The following NCKAP5 variants were observed in gnomAD, a reference collection of about 807,000 sequenced individuals.
NCKAP5 encodes the protein NCK associated protein 5.
In NCKAP5, 92 loss-of-function variants were observed where a neutral mutation model predicts 167.0. The ratio of observed to expected loss-of-function variants is 0.55; its 90% CI spans 0.47 to 0.66. The LOEUF is 0.66. Among genes scored for constraint, NCKAP5 ranks in the 30% least tolerant of loss-of-function variants. The probability of loss-of-function intolerance (pLI) is 0.00; values close to 1 mark genes in which losing one functional copy is unlikely to be tolerated. For synonymous variants in NCKAP5, 891 were observed against 877.4 expected (o/e 1.02, Z -0.27); for missense variants, 2,378 against 2,315.0 (o/e 1.03, Z -0.56).
chr2:133,315,107 G>T (rs973566569), intron 3 of NCKAP5, among the ~76,000 whole-genome samples: 1 of 152,138 alleles, frequency 6.6e-6, no homozygotes. Context: ...ATTGCAGTGG[G>T]ATTTGATTTG....
intron 17 of NCKAP5, 111 bp from the exon 18 acceptor site, chr2:132,729,063 A>T: frequency 7.0e-7 from 1 of 1,431,054 alleles, no homozygotes; most frequent in Middle Eastern, 1.9e-4. Flanking sequence ...GTCCAAATAC[A>T]GTGAAAGCTG....
chr2:133,487,487 T>C (rs375938722), intron 3 of NCKAP5, among the ~76,000 whole-genome samples: 50 of 152,268 alleles, frequency 3.3e-4, no homozygotes, highest in Middle Eastern at 3.4e-3. Context: ...GCCACTACCA[T>C]AGAATGGTCA....
intron 9 of NCKAP5, among the ~76,000 whole-genome samples, chr2:132,875,958 G>A (rs1358846843): frequency 6.6e-6 from 1 of 152,146 alleles, no homozygotes; most frequent in Non-Finnish European, 1.5e-5. Context: ...CTAGGAATGT[G>A]AGTCTGTTAC....
chr2:133,536,276 C>G (rs1376126775), intron 2 of NCKAP5, among the ~76,000 whole-genome samples: 1 of 152,036 alleles, frequency 6.6e-6, no homozygotes, highest in Non-Finnish European at 1.5e-5. Flanking sequence ...TCAGGTCTTA[C>G]ACTTAAATCT....
chr2:133,189,476 A>G, intron 5 of NCKAP5, among the ~76,000 whole-genome samples: 1 of 152,178 alleles, frequency 6.6e-6, no homozygotes, highest in Middle Eastern at 3.2e-3. Context: ...GCAGAGACAC[A>G]ACAAAAAAAG....
intron 6 of NCKAP5, among the ~76,000 whole-genome samples, chr2:133,039,828 C>G (rs2079154789): frequency 6.6e-6 from 1 of 152,082 alleles, no homozygotes; most frequent in African/African-American, 2.4e-5. Flanking sequence ...AAACACTACC[C>G]TAAGAGAGAT....
At chr2:133,420,043 G>C (rs1559470689) in intron 3 of NCKAP5, among the ~76,000 whole-genome samples, 1 of 152,164 alleles carries the variant, frequency 6.6e-6, no homozygotes, top group African/African-American at 2.4e-5. Context: ...GAGTAAAAGG[G>C]GGCCTCCCCT....
intron 15 of NCKAP5, among the ~76,000 whole-genome samples, chr2:132,778,429 A>G (rs1682735242): frequency 6.6e-6 from 1 of 152,162 alleles, no homozygotes; most frequent in Non-Finnish European, 1.5e-5. Context: ...TTTGCTACAC[A>G]TGTGGATTTG....
chr2:133,651,483 A>ATT, the NCKAP5 span, among the ~76,000 whole-genome samples: 1 of 152,230 alleles, frequency 6.6e-6, no homozygotes, highest in Admixed American at 6.5e-5. Flanking sequence ...CAGGATGGCT[A>ATT]TTATTTTAAA....
upstream of NCKAP5, among the ~76,000 whole-genome samples, chr2:133,570,016 T>C (rs1029726125): frequency 3.9e-5 from 6 of 151,988 alleles, no homozygotes; most frequent in Admixed American, 3.9e-4. Context: ...GCATTATTTG[T>C]AAGCCAATAA....
intron 6 of NCKAP5, among the ~76,000 whole-genome samples, chr2:133,024,903 C>A (rs1020465145): frequency 6.6e-6 from 1 of 152,152 alleles, no homozygotes; most frequent in East Asian, 1.9e-4. Context: ...GCAAAGAGAC[C>A]CACCACACAT....
chr2:133,202,933 C>T (rs1333686479), intron 5 of NCKAP5, among the ~76,000 whole-genome samples: 1 of 152,122 alleles, frequency 6.6e-6, no homozygotes, highest in East Asian at 1.9e-4. Context: ...CACTTTTACA[C>T]TGTTGGTGGG....
chr2:133,405,519 G>T (rs750852607), intron 3 of NCKAP5, among the ~76,000 whole-genome samples: 1 of 152,182 alleles, frequency 6.6e-6, no homozygotes, highest in Non-Finnish European at 1.5e-5. Context: ...AGAAGGCGGG[G>T]CATTGTCTTG....
the NCKAP5 span, among the ~76,000 whole-genome samples, chr2:133,640,823 G>T: frequency 6.6e-6 from 1 of 152,126 alleles, no homozygotes. Context: ...TGAAACCAAA[G>T]CACAGCTTCC....
the NCKAP5 span, among the ~76,000 whole-genome samples, chr2:133,656,656 T>G: frequency 6.6e-6 from 1 of 152,222 alleles, no homozygotes; most frequent in African/African-American, 2.4e-5. Flanking sequence ...CTTGTCTTGA[T>G]GGAGTAAAGG....
chr2:133,421,750 C>G (rs1168479217), intron 3 of NCKAP5, among the ~76,000 whole-genome samples: 1 of 152,210 alleles, frequency 6.6e-6, no homozygotes, highest in Non-Finnish European at 1.5e-5. Flanking sequence ...AGCCTCAGCT[C>G]TCTGATCTGA....
the NCKAP5 span, among the ~76,000 whole-genome samples, chr2:133,590,118 G>T: frequency 6.6e-6 from 1 of 152,132 alleles, no homozygotes; most frequent in Non-Finnish European, 1.5e-5. Context: ...CTCCCAAGGA[G>T]TGTCCACTTG....
At chr2:133,075,596 T>C (rs1165332431) in intron 6 of NCKAP5, among the ~76,000 whole-genome samples, 1 of 152,166 alleles carries the variant, frequency 6.6e-6, no homozygotes. Context: ...AGGACCTACA[T>C]AGTTAAAGAT....
chr2:133,005,682 G>C (rs1248618556), intron 6 of NCKAP5, among the ~76,000 whole-genome samples: 3 of 152,184 alleles, frequency 2.0e-5, no homozygotes, highest in Admixed American at 1.3e-4. Context: ...TTTGGGGATA[G>C]ATCTTTACAG....
Sources: allele counts gnomAD v4.1 joint callset (sites outside exome capture counted in the v4.1 genomes callset), GRCh38; gene constraint gnomAD v4.1.1; transcripts MANE v1.5; gene names NCBI Gene and HGNC (gene_info 2026-07-23, HGNC 2026-07-21).